Variants in SUPT20H observed in about 807,000 individuals in gnomAD.
SUPT20H encodes the protein SPT20 homolog, SAGA complex component.
Under a neutral mutation model 122.8 loss-of-function variants are expected in SUPT20H, and 82 were observed. The ratio of observed to expected loss-of-function variants is 0.67; its 90% CI spans 0.56 to 0.80. The LOEUF (loss-of-function observed/expected upper bound fraction) is 0.80. Ranked by LOEUF, SUPT20H falls within the 30% of genes least tolerant of loss-of-function variation. The pLI, the probability that SUPT20H is intolerant of heterozygous loss-of-function variation, is 0.00. For synonymous variants in SUPT20H, 291 were observed against 313.0 expected, an observed-to-expected ratio of 0.93 and a Z score of 0.74; for missense variants, 831 against 921.6, an observed-to-expected ratio of 0.90 and a Z score of 1.27.
intron 21 of SUPT20H, among the ~76,000 whole-genome samples, chr13:37,019,746 T>C (rs986370974): frequency 3.9e-5 from 6 of 152,210 alleles, no homozygotes; most frequent in African/African-American, 1.4e-4. Flanking sequence ...ACATTCCAGG[T>C]ATTGGCATCT....
At chr13:37,052,048 G>GA (rs547074507) in intron 1 of SUPT20H, among the ~76,000 whole-genome samples, 122 of 151,650 alleles carry the variant, frequency 8.0e-4, no homozygotes, top group African/African-American at 2.8e-3. Flanking sequence ...CAAACAAATA[G>GA]AAAAAAAATC....
chr13:37,026,462 T>C (rs941043680), intron 15 of SUPT20H, among the ~76,000 whole-genome samples: 2 of 152,132 alleles, frequency 1.3e-5, no homozygotes, highest in African/African-American at 4.8e-5. Flanking sequence ...GTTGATTTAA[T>C]TAAGTGATAT....
intron 1 of SUPT20H, among the ~76,000 whole-genome samples, chr13:37,053,396 C>T (rs1456080304): frequency 6.6e-6 from 1 of 151,988 alleles, no homozygotes; most frequent in African/African-American, 2.4e-5. Context: ...TTCTGGAAAC[C>T]ATCATCCTCA....
chr13:37,028,995 A>T (rs1027036899), intron 13 of SUPT20H, among the ~76,000 whole-genome samples: 2 of 151,802 alleles, frequency 1.3e-5, no homozygotes, highest in Non-Finnish European at 2.9e-5. Context: ...TCTATTTATC[A>T]TTTGTCTGCT....
chr13:37,030,120 GAT>G (rs2139886187), intron 12 of SUPT20H, among the ~76,000 whole-genome samples: 1 of 152,256 alleles, frequency 6.6e-6, no homozygotes, highest in East Asian at 1.9e-4. Context: ...TCCATAAGCT[GAT>G]ATGTTTTTCC....
At chr13:37,055,711 G>C (rs2068805503) in intron 1 of SUPT20H, among the ~76,000 whole-genome samples, 1 of 152,188 alleles carries the variant, frequency 6.6e-6, no homozygotes, top group African/African-American at 2.4e-5. Flanking sequence ...GCGAGGGCAA[G>C]GACTTCATGT....
Position 37,040,688 on chromosome 13 carries a change from T to C in SUPT20H, c.401A>G (p.Asn134Ser). 6.2e-7 allele frequency: 1 copy of C among 1,612,472 alleles called. No homozygotes were observed. Reference protein sequence around the residue: ...LVDLLEKSQVNIFHCGCVIAE... With the variant: ...LVDLLEKSQVSIFHCGCVIAE... ...TATGACACATCCGCAATGAAAAATA[T>C]TAACCTGTTTGGGCAAAAATACGTA... Residue 134 changes from asparagine to serine, a missense_variant, in exon 8 of 26, where the codon AAT becomes AGT. Asn to Ser is a conservative substitution (Grantham distance 46). Transcript: ENST00000350612.
At chr13:37,010,220 A>G (rs1316237289) in intron 25 of SUPT20H, among the ~76,000 whole-genome samples, 2 of 152,220 alleles carry the variant, frequency 1.3e-5, no homozygotes, top group Admixed American at 1.3e-4. Context: ...GACATTTACT[A>G]ATAGGAACAC....
At chr13:37,016,943 A>G (rs990493548) in intron 23 of SUPT20H, among the ~76,000 whole-genome samples, 4 of 152,202 alleles carry the variant, frequency 2.6e-5, no homozygotes, top group Non-Finnish European at 5.9e-5. Context: ...TAGAAAATAC[A>G]TGAGTGATAG....
chr13:37,021,322 T>C, intron 21 of SUPT20H, 126 bp downstream of exon 21: 1 of 1,014,204 alleles, frequency 9.9e-7, no homozygotes, highest in South Asian at 3.0e-5. Context: ...TTAAGTGAAA[T>C]ATATGTGATA....
chr13:37,036,542 G>A (rs1396534797), intron 9 of SUPT20H, among the ~76,000 whole-genome samples: 2 of 151,956 alleles, frequency 1.3e-5, no homozygotes, highest in Non-Finnish European at 2.9e-5. Context: ...GGATGGTCTC[G>A]ATCTCCTGCC....
At chr13:37,040,801 C>T (rs2065327577) in intron 7 of SUPT20H, 109 bp from the exon 8 acceptor site, 1 of 785,664 alleles carries the variant, frequency 1.3e-6, no homozygotes. Context: ...TTTCTGGCCA[C>T]TCATGTATGT....
Position 37,012,108 on chromosome 13 carries a change from A to G in SUPT20H, c.2098+84T>C, listed in dbSNP as rs550429681. ...CTGTTTACTGGTTGCAAGGGAAGGA[A>G]AAGAAAATAATTTAAGCGGTGAGAT... On this transcript the variant is annotated intron_variant, in intron 24 of 25. Coordinates refer to ENST00000350612, the MANE Select transcript of SUPT20H (RefSeq NM_001014286.3). 2.1e-5 allele frequency: 23 copies of G among 1,102,372 alleles called. No individual in the cohort carries two copies. The South Asian group carries it at 3.2e-4, about 16-fold the overall frequency. 68.3% of individuals were successfully genotyped at this position (1,102,372 alleles called of 1,614,324 possible). A position where few individuals can be genotyped will look rare whatever the true frequency, so the allele number is the denominator to read the frequency against.
intron 15 of SUPT20H, 92 bp downstream of exon 15, chr13:37,026,698 G>C: frequency 4.0e-6 from 3 of 745,052 alleles, no homozygotes; most frequent in Non-Finnish European, 6.2e-6. Context: ...ATTTATCACT[G>C]ATTCAAATAA....
Position 37,040,477 on chromosome 13 carries a change from TA to T in SUPT20H, c.514-20del, listed in dbSNP as rs780591961. The T allele has an allele frequency of 3.3e-5, 52 of 1,569,466 alleles. No individual in the cohort carries two copies. In the African/African-American group the frequency reaches 6.6e-4, roughly 20 times the overall value. ...TTAAAGTCTAGAAGAAATAAAAATT[TA>T]AAAAACTTATTAATCTATGCACAAA... On this transcript the variant is annotated intron_variant, in intron 8 of 25. Coordinates refer to ENST00000350612, the MANE Select transcript of SUPT20H (RefSeq NM_001014286.3).
intron 1 of SUPT20H, among the ~76,000 whole-genome samples, chr13:37,058,790 A>G (rs1463783955): frequency 6.6e-6 from 1 of 152,128 alleles, no homozygotes; most frequent in Non-Finnish European, 1.5e-5. Flanking sequence ...CTGTTTTTAC[A>G]TTTCTTTAAA....
At chr13:37,037,183 T>C (rs1484410798) in intron 9 of SUPT20H, among the ~76,000 whole-genome samples, 1 of 122,350 alleles carries the variant, frequency 8.2e-6, no homozygotes, top group East Asian at 2.4e-4. Context: ...AGTTGCAACC[T>C]GACTCTGCCT....
chr13:37,028,347 A>C (rs1282572930), intron 13 of SUPT20H, 42 bp from the exon 14 acceptor site: 1 of 1,561,042 alleles, frequency 6.4e-7, no homozygotes, highest in Admixed American at 1.9e-5. Flanking sequence ...CTTCACAAGT[A>C]GGCAGGCAAT....
chr13:37,019,246 C>T, intron 22 of SUPT20H, 96 bp downstream of exon 22: 16 of 861,956 alleles, frequency 1.9e-5, no homozygotes, highest in Non-Finnish European at 2.5e-5. Context: ...CTAAACAGAC[C>T]TCAGAATTTC....
Sources: allele counts gnomAD v4.1 joint callset (sites outside exome capture counted in the v4.1 genomes callset), GRCh38; gene constraint gnomAD v4.1.1; transcripts MANE v1.5; gene names NCBI Gene and HGNC (gene_info 2026-07-23, HGNC 2026-07-21).